Variants in LYPLAL1 observed in about 807,000 individuals in gnomAD.
LYPLAL1 encodes lysophospholipase like 1.
LYPLAL1 carries 23 observed loss-of-function variants against 19.7 expected under a neutral mutation model. The ratio of observed to expected loss-of-function variants is 1.17; its 90% CI spans 0.84 to 1.65. LYPLAL1 has a LOEUF of 1.65. Ranked by LOEUF, LYPLAL1 falls within the 40% of genes most tolerant of loss-of-function variation. The pLI is 0.00. For missense variants in LYPLAL1, 355 were observed against 279.4 expected (o/e 1.27, Z -1.93); for synonymous variants, 119 against 96.3 (o/e 1.24, Z -1.38).
chr1:219,219,762 GC>G, the LYPLAL1 span, among the ~76,000 whole-genome samples: 1 of 152,100 alleles, frequency 6.6e-6, no homozygotes, highest in African/African-American at 2.4e-5. Flanking sequence ...AAACACACAA[GC>G]CCAGGTGTGG....
At chr1:219,190,622 T>TAAAAAAAAAAAAA (rs35544870) in intron 2 of LYPLAL1, among the ~76,000 whole-genome samples, 1 of 86,026 alleles carries the variant, frequency 1.2e-5, no homozygotes, top group Non-Finnish European at 2.1e-5. Context: ...TTTTGTCCAG[T>TAAAAAAAAAAAAA]AAAAAAAAAA....
At chr1:219,445,416 G>T in the LYPLAL1 span, among the ~76,000 whole-genome samples, 4 of 102,848 alleles carry the variant, frequency 3.9e-5, no homozygotes, top group South Asian at 8.6e-4. Context: ...ATTGGGGGGG[G>T]GGCGGTGGGG....
chr1:219,298,765 A>G, the LYPLAL1 span, among the ~76,000 whole-genome samples: 1 of 152,372 alleles, frequency 6.6e-6, no homozygotes, highest in South Asian at 2.1e-4. Context: ...CCTTGAGGTC[A>G]TTCTTTCTTT....
intron 3 of LYPLAL1, among the ~76,000 whole-genome samples, chr1:219,207,090 A>G (rs1658635591): frequency 6.6e-6 from 1 of 152,046 alleles, no homozygotes. Context: ...CCTTGGTCAC[A>G]CTAACATATT....
the LYPLAL1 span, among the ~76,000 whole-genome samples, chr1:219,290,381 C>G: frequency 6.6e-6 from 1 of 152,128 alleles, no homozygotes; most frequent in Non-Finnish European, 1.5e-5. Flanking sequence ...TTCCTAGCCC[C>G]TCTACATGTT....
the LYPLAL1 span, among the ~76,000 whole-genome samples, chr1:219,280,276 AT>A: frequency 6.6e-6 from 1 of 152,218 alleles, no homozygotes; most frequent in African/African-American, 2.4e-5. Context: ...TACGTATTAT[AT>A]AAAGTTTTTT....
At chr1:219,200,700 T>C in intron 3 of LYPLAL1, 1 of 242,082 alleles carries the variant, frequency 4.1e-6, no homozygotes. Context: ...GCTACACATC[T>C]TGATCTGCTT....
At chr1:219,188,585 C>T (rs924576189) in intron 2 of LYPLAL1, among the ~76,000 whole-genome samples, 12 of 151,528 alleles carry the variant, frequency 7.9e-5, no homozygotes, top group African/African-American at 2.9e-4. Flanking sequence ...AAGACTGGTG[C>T]CAATTTGTTA....
At chr1:219,348,707 G>T in the LYPLAL1 span, among the ~76,000 whole-genome samples, 1 of 152,266 alleles carries the variant, frequency 6.6e-6, no homozygotes, top group South Asian at 2.1e-4. Flanking sequence ...GAGCCAGAGA[G>T]TGTGCATGAA....
the LYPLAL1 span, among the ~76,000 whole-genome samples, chr1:219,387,019 T>C: frequency 6.6e-6 from 1 of 152,244 alleles, no homozygotes; most frequent in African/African-American, 2.4e-5. Context: ...TTCTCTGCTT[T>C]AAATCTTTGA....
At chr1:219,384,764 T>C in the LYPLAL1 span, among the ~76,000 whole-genome samples, 1 of 152,168 alleles carries the variant, frequency 6.6e-6, no homozygotes, top group Non-Finnish European at 1.5e-5. Flanking sequence ...TGTATGGAAA[T>C]GACATATACA....
chr1:219,174,664 C>T (rs766358619), intron 1 of LYPLAL1, among the ~76,000 whole-genome samples: 1 of 152,194 alleles, frequency 6.6e-6, no homozygotes, highest in Non-Finnish European at 1.5e-5. Flanking sequence ...TAACACTCAT[C>T]TGTAATCACT....
At chr1:219,400,916 A>G in the LYPLAL1 span, among the ~76,000 whole-genome samples, 3 of 152,120 alleles carry the variant, frequency 2.0e-5, no homozygotes, top group Admixed American at 6.6e-5. Context: ...AAAACACACC[A>G]TCTCTTTATT....
intron 2 of LYPLAL1, among the ~76,000 whole-genome samples, chr1:219,180,459 T>A (rs1316368839): frequency 6.6e-6 from 1 of 152,222 alleles, no homozygotes; most frequent in South Asian, 2.1e-4. Context: ...AAAATGATAA[T>A]GTAAGACTGA....
At chr1:219,423,111 G>A in the LYPLAL1 span, among the ~76,000 whole-genome samples, 8 of 152,008 alleles carry the variant, frequency 5.3e-5, no homozygotes, top group Non-Finnish European at 1.2e-4. Context: ...ATTTTGCCTA[G>A]AACACCCCTC....
the LYPLAL1 span, among the ~76,000 whole-genome samples, chr1:219,330,757 T>C: frequency 6.6e-6 from 1 of 152,194 alleles, no homozygotes; most frequent in East Asian, 1.9e-4. Context: ...GCAATATGCA[T>C]GTTTGTCTCA....
intron 2 of LYPLAL1, among the ~76,000 whole-genome samples, chr1:219,188,057 A>G (rs1386204010): frequency 1.3e-5 from 2 of 151,824 alleles, no homozygotes; most frequent in Non-Finnish European, 2.9e-5. Context: ...AATTTTAGAC[A>G]TTGTTATTTC....
At chr1:219,296,883 A>C in the LYPLAL1 span, among the ~76,000 whole-genome samples, 1 of 152,170 alleles carries the variant, frequency 6.6e-6, no homozygotes, top group African/African-American at 2.4e-5. Flanking sequence ...AGTGCAACGA[A>C]TCAGAAGAAC....
the LYPLAL1 span, among the ~76,000 whole-genome samples, chr1:219,270,367 G>C: frequency 6.6e-6 from 1 of 152,228 alleles, no homozygotes; most frequent in East Asian, 1.9e-4. Context: ...GTGAAATACA[G>C]AAGGTTTTAT....
Sources: allele counts gnomAD v4.1 joint callset (sites outside exome capture counted in the v4.1 genomes callset), GRCh38; gene constraint gnomAD v4.1.1; transcripts MANE v1.5; gene names NCBI Gene and HGNC (gene_info 2026-07-23, HGNC 2026-07-21).